Variants in WWOX observed in about 807,000 individuals in gnomAD.
The protein encoded by WWOX is WW domain-containing oxidoreductase.
A neutral mutation model predicts 46.2 loss-of-function variants in WWOX; 69 were observed. The observed-to-expected ratio is 1.49, with a 90% CI of 1.23 to 1.82. The LOEUF is 1.82. Ranked by LOEUF, WWOX falls within the 40% of genes most tolerant of loss-of-function variation. WWOX has a pLI of 0.00. For missense variants in WWOX, 919 were observed against 542.6 expected (o/e 1.69, Z -6.89); for synonymous variants, 359 against 202.6 (o/e 1.77, Z -6.56).
At chr16:78,824,857 G>A (rs753996227) in intron 8 of WWOX, among the ~76,000 whole-genome samples, 2 of 152,154 alleles carry the variant, frequency 1.3e-5, no homozygotes, top group Non-Finnish European at 2.9e-5. Flanking sequence ...CAGGGTCCTA[G>A]GCAACTTTGT....
chr16:78,948,250 G>T (rs1290013207), intron 8 of WWOX, among the ~76,000 whole-genome samples: 1 of 152,148 alleles, frequency 6.6e-6, no homozygotes, highest in Non-Finnish European at 1.5e-5. Context: ...ACAGACAGTG[G>T]CACCACTAGC....
intron 1 of WWOX, among the ~76,000 whole-genome samples, chr16:78,101,253 T>G (rs936549770): frequency 4.6e-5 from 7 of 150,804 alleles, no homozygotes; most frequent in Admixed American, 2.0e-4. Context: ...TTCACCGTGT[T>G]AGCCAGGATG....
At chr16:78,887,960 A>C (rs2044502961) in intron 8 of WWOX, among the ~76,000 whole-genome samples, 1 of 152,234 alleles carries the variant, frequency 6.6e-6, no homozygotes, top group South Asian at 2.1e-4. Context: ...TCTGACAAAC[A>C]ATTTCTAAAT....
At chr16:78,701,479 C>G (rs927902136) in intron 8 of WWOX, among the ~76,000 whole-genome samples, 1 of 152,098 alleles carries the variant, frequency 6.6e-6, no homozygotes, top group African/African-American at 2.4e-5. Context: ...TGAACCCAGG[C>G]CTTCCTCCCT....
Position 79,008,672 on chromosome 16 carries a change from G to T in WWOX, c.1057-202936G>T, listed in dbSNP as rs542487782. 4.6e-5 allele frequency among the ~76,000 whole-genome samples: 7 copies of T among 152,290 alleles called. No homozygotes were observed. In the East Asian group the frequency reaches 1.2e-3, roughly 25 times the overall value. ...CATGCTCCCGACACCAGGTCATACT[G>T]ATGTCACTCTCCCTACTCCCTTCAC... On this transcript the variant is annotated intron_variant, in intron 8 of 8. Coordinates refer to ENST00000566780, the MANE Select transcript of WWOX (RefSeq NM_016373.4).
intron 8 of WWOX, among the ~76,000 whole-genome samples, chr16:78,480,896 G>A (rs918720707): frequency 5.3e-5 from 8 of 152,172 alleles, no homozygotes; most frequent in Admixed American, 4.6e-4. Flanking sequence ...ATGAACAAGA[G>A]ACTTACAAAC....
chr16:78,340,012 TTTGG>T (rs2080976786), intron 5 of WWOX, among the ~76,000 whole-genome samples: 1 of 15,720 alleles, frequency 6.4e-5, no homozygotes, highest in East Asian at 1.1e-3. Flanking sequence ...TTTCCATGGA[TTTGG>T]TGGGGGGGGG....
At chr16:78,556,140 A>G (rs939553459) in intron 8 of WWOX, among the ~76,000 whole-genome samples, 4 of 152,058 alleles carry the variant, frequency 2.6e-5, no homozygotes, top group African/African-American at 9.7e-5. Flanking sequence ...GGCTTTTTCA[A>G]AGACGCAAGA....
At chr16:79,176,525 A>C (rs144278460) in intron 8 of WWOX, among the ~76,000 whole-genome samples, 60 of 152,338 alleles carry the variant, frequency 3.9e-4, no homozygotes, top group African/African-American at 1.3e-3. Flanking sequence ...CCCCATTAGC[A>C]TCTGCAGTCT....
intron 8 of WWOX, among the ~76,000 whole-genome samples, chr16:78,578,454 T>C (rs1283003439): frequency 6.6e-6 from 1 of 150,766 alleles, no homozygotes; most frequent in African/African-American, 2.4e-5. Context: ...CATGCCTGGC[T>C]AATTTTATGT....
chr16:78,132,492 C>T (rs911048166), intron 4 of WWOX, among the ~76,000 whole-genome samples: 2 of 152,150 alleles, frequency 1.3e-5, no homozygotes, highest in African/African-American at 2.4e-5. Context: ...ATATTAATCA[C>T]GCTTCCATTG....
At chr16:79,095,340 A>T (rs1445812524) in intron 8 of WWOX, among the ~76,000 whole-genome samples, 1 of 152,090 alleles carries the variant, frequency 6.6e-6, no homozygotes, top group African/African-American at 2.4e-5. Context: ...TTTCCTTATT[A>T]CCTCATTAAT....
At chr16:78,900,076 T>G (rs866994559) in intron 8 of WWOX, among the ~76,000 whole-genome samples, 7 of 116,002 alleles carry the variant, frequency 6.0e-5, no homozygotes, top group Non-Finnish European at 1.3e-4. Context: ...TTTTTTTTTT[T>G]TTTCCTGCAG....
chr16:78,903,972 T>C (rs559178636), intron 8 of WWOX, among the ~76,000 whole-genome samples: 18 of 152,278 alleles, frequency 1.2e-4, no homozygotes, highest in African/African-American at 3.4e-4. Flanking sequence ...TGGAGACTCC[T>C]TGTGTGTAGT....
intron 5 of WWOX, among the ~76,000 whole-genome samples, chr16:78,380,132 G>C (rs560051730): frequency 4.6e-5 from 7 of 152,158 alleles, no homozygotes; most frequent in African/African-American, 1.2e-4. Context: ...GGGCTACCGG[G>C]TTACCAAGAG....
intron 8 of WWOX, among the ~76,000 whole-genome samples, chr16:78,754,180 A>C (rs1597552831): frequency 6.6e-6 from 1 of 151,888 alleles, no homozygotes; most frequent in African/African-American, 2.4e-5. Context: ...GTCCCTGGGG[A>C]TGCCATCTTC....
chr16:78,910,983 T>C (rs1335205978), intron 8 of WWOX, among the ~76,000 whole-genome samples: 2 of 152,052 alleles, frequency 1.3e-5, no homozygotes, highest in Non-Finnish European at 1.5e-5. Flanking sequence ...GTGCACAATA[T>C]ATATGTGCAA....
At chr16:78,370,703 A>C (rs1422886628) in intron 5 of WWOX, among the ~76,000 whole-genome samples, 1 of 147,140 alleles carries the variant, frequency 6.8e-6, no homozygotes, top group East Asian at 2.0e-4. Context: ...TTTTCTTGGG[A>C]TCAATTCTGG....
chr16:78,351,954 G>A (rs1210819248), intron 5 of WWOX, among the ~76,000 whole-genome samples: 1 of 152,170 alleles, frequency 6.6e-6, no homozygotes, highest in African/African-American at 2.4e-5. Context: ...ACCACGCCCA[G>A]CAGTATGTTT....
Sources: allele counts gnomAD v4.1 joint callset (sites outside exome capture counted in the v4.1 genomes callset), GRCh38; gene constraint gnomAD v4.1.1; transcripts MANE v1.5; gene names NCBI Gene and HGNC (gene_info 2026-07-23, HGNC 2026-07-21).